The following NADK variants were observed in gnomAD, a reference collection of about 807,000 sequenced individuals.
The protein encoded by NADK is NAD kinase.
Under a neutral mutation model 49.8 loss-of-function variants are expected in NADK, and 22 were observed. The observed-to-expected ratio is 0.44, with a 90% CI of 0.32 to 0.63. The LOEUF is 0.63. NADK is among the 30% of genes least tolerant of loss of function. NADK has a pLI of 0.06. For synonymous variants in NADK, 268 were observed against 253.7 expected (o/e 1.06, Z -0.54); for missense variants, 438 against 609.4 (o/e 0.72, Z 2.96).
At chr1:1,778,589 AAAGAGGCGGGCGGTGGGG>A (rs1402887573), upstream of NADK, 1 of 150,442 alleles carries the variant, frequency 6.6e-6, no homozygotes, top group Non-Finnish European at 1.5e-5. This position sits in a 1 kb window ranked among gnomAD's most constrained non-coding sequence, Gnocchi z 4.9. Context: ...GCGTGGCGGG[AAAGAGGCGGGCGGTGGGG>A]AAGAGGGGCG....
intron 3 of NADK, chr1:1,758,683 A>C: frequency 1.5e-6 from 2 of 1,299,540 alleles, no homozygotes; most frequent in African/African-American, 1.7e-5. Flanking sequence ...ATCAAACAAA[A>C]CAAAACAGTT....
intron 6 of NADK, 114 bp from the exon 7 acceptor site, chr1:1,755,590 TCTGCAGGAGGGA>T: frequency 1.3e-6 from 1 of 779,624 alleles, no homozygotes; most frequent in South Asian, 1.5e-5. Context: ...ACCCCGACCC[TCTGCAGGAGGGA>T]CTGGCCATGT....
chr1:1,775,456 G>C (rs1402583228), intron 1 of NADK, among the ~76,000 whole-genome samples: 1 of 152,174 alleles, frequency 6.6e-6, no homozygotes, highest in Non-Finnish European at 1.5e-5. Context: ...GGTAAATAAT[G>C]CCCAGTGCTG....
chr1:1,763,969 G>A (rs1645807953), intron 2 of NADK, among the ~76,000 whole-genome samples: 1 of 152,206 alleles, frequency 6.6e-6, no homozygotes, highest in Non-Finnish European at 1.5e-5. Flanking sequence ...GTGGCCTGGA[G>A]GTACAGGACA....
intron 1 of NADK, among the ~76,000 whole-genome samples, chr1:1,770,859 A>G (rs1328945956): frequency 6.6e-6 from 1 of 150,868 alleles, no homozygotes; most frequent in African/African-American, 2.4e-5. Flanking sequence ...GACTAGCCTG[A>G]CCAACATGGT....
intron 1 of NADK, among the ~76,000 whole-genome samples, chr1:1,774,438 C>T (rs1646147422): frequency 6.6e-6 from 1 of 152,118 alleles, no homozygotes; most frequent in Non-Finnish European, 1.5e-5. Context: ...AATTCTCCAA[C>T]ATGGAGGGGT....
upstream of NADK, chr1:1,780,274 T>C (rs887165966): frequency 6.6e-6 from 1 of 152,200 alleles, no homozygotes; most frequent in Non-Finnish European, 1.5e-5. Context: ...TTGATCTAGA[T>C]GGCGCACCCA....
rs552121539 is a variant in NADK, at chr1:1,760,586, T to A, written c.263+1366A>T. Among the ~76,000 whole-genome samples the A allele has an allele frequency of 3.9e-5, 6 of 152,186 alleles. No homozygotes were observed. In the East Asian group the frequency reaches 1.2e-3, roughly 30 times the overall value. On this transcript the variant is annotated intron_variant, in intron 3 of 11. Transcript: ENST00000341426. ...CCGCATTGCGCTTTCTGGTCAACAG[T>A]CCCCAGCAGCCTGCGCGCTGGAACA...
At chr1:1,759,603 G>C (rs1012159825) in intron 3 of NADK, 2 of 1,092,786 alleles carry the variant, frequency 1.8e-6, no homozygotes, top group Admixed American at 2.6e-5. Context: ...TGCATGGGAA[G>C]CCCTGCCCCT....
intron 1 of NADK, among the ~76,000 whole-genome samples, chr1:1,767,406 T>C (rs904439821): frequency 2.0e-5 from 3 of 152,084 alleles, no homozygotes; most frequent in African/African-American, 7.2e-5. Flanking sequence ...GTCGGTTCAA[T>C]CCCATCAAAG....
At position 1,769,805 on chromosome 1, in the gene NADK, G is replaced by A. The variant is rs540068275; in HGVS notation, c.-40-4359C>T. The stretch of plus-strand genomic sequence containing the variant: ...ATACATGAAAAATTCGGCCAGACAC[G>A]GTGGCTCACACCTGTAATCCCAGCA... On this transcript the variant is annotated intron_variant, in intron 1 of 11. Coordinates refer to ENST00000341426, the MANE Select transcript of NADK (RefSeq NM_023018.5). Among the ~76,000 whole-genome samples the A allele has an allele frequency of 2.8e-4, 42 of 151,974 alleles. No homozygotes were observed. In the South Asian group the frequency reaches 4.8e-3, roughly 17 times the overall value.
In NADK at chr1:1,765,427, G is replaced by C; in HGVS notation, c.-21C>G. 3 of 1,543,308 alleles carry C rather than the reference G, an allele frequency of 1.9e-6. No individual in the cohort carries two copies. Among genetic ancestry groups the C allele is most frequent in the Non-Finnish European group, 2.6e-6 (3 of 1,138,406 alleles). On this transcript the variant is annotated 5_prime_UTR_variant, in exon 2 of 12. Coordinates refer to ENST00000341426, the MANE Select transcript of NADK (RefSeq NM_023018.5). ...TCCATTGTCAGGAAATGAGAACTTC[G>C]GTCAGAAAAACACTGATGCCTTAAT... is the stretch of plus-strand genomic sequence containing the variant.
intron 1 of NADK, among the ~76,000 whole-genome samples, chr1:1,775,730 A>T (rs1226298877): frequency 6.6e-6 from 1 of 152,088 alleles, no homozygotes; most frequent in Non-Finnish European, 1.5e-5. Context: ...ATCTGCCTCA[A>T]TTTCGCTTTT....
rs1025041060 is a variant in NADK at position 1,752,949 on chromosome 1, C to T, written c.1296G>A (p.Lys432=). 1 of 1,599,398 alleles carries T rather than the reference C, an allele frequency of 6.3e-7. No homozygotes were observed. The highest frequency in any genetic ancestry group is 1.3e-5 in the African/African-American group (1 of 74,844). ...AQCLHWNVRK[K]QAHFEEEEEE... ...CCTCCTCCTCCTCGAAGTGGGCTTG[C>T]TTCTTCCGGACGTTCCAATGCAGGC... The change falls in exon 12 of 12, where the codon AAG becomes AAA. Residue 432 remains lysine, a synonymous_variant. Coordinates refer to ENST00000341426, the MANE Select transcript of NADK (RefSeq NM_023018.5).
chr1:1,756,959 C>T (rs1020628545), intron 4 of NADK: 8 of 856,492 alleles, frequency 9.3e-6, no homozygotes, highest in African/African-American at 3.3e-5. Flanking sequence ...TCCAGGGCCA[C>T]GAGCCCACCA....
rs981469029 is a variant in NADK at position 1,755,634 on chromosome 1, G to A, written c.586-158C>T. On this transcript the variant is annotated intron_variant, in intron 6 of 11. Coordinates refer to ENST00000341426, the MANE Select transcript of NADK (RefSeq NM_023018.5). ...ATGTGGACAAGCGGAGGGGGACGTC[G>A]CAGGCCAGGGTGGGCCGGGCCACCA... 3.3e-5 allele frequency among the ~76,000 whole-genome samples: 5 copies of A among 152,224 alleles called. No homozygotes were observed. The East Asian group carries it at 5.8e-4, about 18-fold the overall frequency.
At chr1:1,759,624 G>A in intron 3 of NADK, 3 of 1,244,198 alleles carry the variant, frequency 2.4e-6, no homozygotes, top group Non-Finnish European at 2.2e-6. Flanking sequence ...CCACAGCGGG[G>A]ATGGGAAGCG....
chr1:1,758,958 GCCTCCTAGC>G, intron 3 of NADK: 1 of 1,149,036 alleles, frequency 8.7e-7, no homozygotes, highest in Non-Finnish European at 1.2e-6. Context: ...GGCGTTCCCT[GCCTCCTAGC>G]CCGCTGCGTC....
chr1:1,761,073 A>C (rs1645708030), intron 3 of NADK, among the ~76,000 whole-genome samples: 1 of 152,132 alleles, frequency 6.6e-6, no homozygotes, highest in Non-Finnish European at 1.5e-5. Flanking sequence ...GGCTTACTGC[A>C]ACATCTGCCT....
Sources: gnomAD v4.1 joint callset for allele counts (sites outside exome capture counted in the v4.1 genomes callset) on GRCh38, gnomAD v4.1.1 for gene constraint, Gnocchi (gnomAD v3.1) non-coding constraint, MANE v1.5 for transcripts, NCBI Gene and HGNC (gene_info 2026-07-23, HGNC 2026-07-21) for gene names.